Variants in SPATA7 observed in about 807,000 individuals in gnomAD.
SPATA7 encodes the protein spermatogenesis associated 7.
In SPATA7, 43 loss-of-function variants were observed where a neutral mutation model predicts 51.8. The ratio of observed to expected loss-of-function variants is 0.83; its 90% CI spans 0.65 to 1.07. The LOEUF (loss-of-function observed/expected upper bound fraction) is 1.07. Ranked by LOEUF, SPATA7 falls within the 50% of genes least tolerant of loss-of-function variation. The pLI is 0.00. For synonymous variants in SPATA7, 230 were observed against 252.8 expected (o/e 0.91, Z 0.86); for missense variants, 683 against 701.3 (o/e 0.97, Z 0.30).
intron 5 of SPATA7, among the ~76,000 whole-genome samples, chr14:88,418,789 G>T (rs755836230): frequency 3.0e-4 from 46 of 152,120 alleles, no homozygotes; most frequent in African/African-American, 1.1e-3. Flanking sequence ...TTTTCATTAT[G>T]ATTTTTTTAT....
intron 4 of SPATA7, chr14:88,414,776 G>GTT: frequency 7.4e-6 from 2 of 270,640 alleles, no homozygotes; most frequent in South Asian, 3.1e-5. Flanking sequence ...GAGTTTTTTT[G>GTT]TTTTTTTTTA....
chr14:88,396,795 G>C (rs1012949353), intron 4 of SPATA7, among the ~76,000 whole-genome samples: 4 of 151,994 alleles, frequency 2.6e-5, no homozygotes, highest in Non-Finnish European at 4.4e-5. Context: ...TGTATATTTA[G>C]AAGTGGAATT....
chr14:88,429,154 A>G, intron 7 of SPATA7, 194 bp from the exon 8 acceptor site: 1 of 388,414 alleles, frequency 2.6e-6, no homozygotes. Context: ...ACAAGAAATA[A>G]GTCATTTTAT....
intron 10 of SPATA7, among the ~76,000 whole-genome samples, chr14:88,434,675 G>C (rs2077032927): frequency 7.0e-6 from 1 of 142,220 alleles, no homozygotes; most frequent in South Asian, 2.2e-4. Context: ...GACAGAGTGA[G>C]ACTCTGTCTC....
downstream of SPATA7, among the ~76,000 whole-genome samples, chr14:88,458,199 G>T (rs1353775595): frequency 6.6e-6 from 1 of 151,996 alleles, no homozygotes; most frequent in Non-Finnish European, 1.5e-5. Context: ...TTTTTTTGTT[G>T]TGTCTTTGTC....
At chr14:88,452,479 A>G (rs913199615) in intron 3 of SPATA7, among the ~76,000 whole-genome samples, 10 of 152,168 alleles carry the variant, frequency 6.6e-5, no homozygotes, top group Non-Finnish European at 1.3e-4. Context: ...GGGCGGGGCC[A>G]TAGAGCTCCC....
chr14:88,431,192 T>C lies in SPATA7; in HGVS notation c.1049T>C (p.Leu350Pro), dbSNP rs758022550. 5 of 1,613,762 alleles carry C rather than the reference T, an allele frequency of 3.1e-6. No homozygotes were observed. In the South Asian group the frequency reaches 5.5e-5, roughly 18 times the overall value. ...TCTAGGGCAATGTGTCAGTATTCCC[T>C]GAAGCCCCCTTCAACTCGTAAAATC... The part of the protein sequence containing the change: ...SSPRAMCQYS[L>P]KPPSTRKIYS... Residue 350 changes from leucine to proline, a missense_variant, in exon 9 of 12, where the codon CTG (leucine) becomes CCG (proline). Coordinates refer to ENST00000393545, the MANE Select transcript of SPATA7 (RefSeq NM_018418.5).
chr14:88,417,553 A>C (rs2076518632), intron 5 of SPATA7, among the ~76,000 whole-genome samples: 1 of 151,958 alleles, frequency 6.6e-6, no homozygotes, highest in African/African-American at 2.4e-5. Flanking sequence ...TGATCTGCCC[A>C]CCTCGGCCTC....
At chr14:88,449,394 T>C (rs2077235570) in intron 3 of SPATA7, among the ~76,000 whole-genome samples, 1 of 152,194 alleles carries the variant, frequency 6.6e-6, no homozygotes, top group Non-Finnish European at 1.5e-5. Context: ...TGAGGGTTCC[T>C]TTTGCAGTTG....
downstream of SPATA7, among the ~76,000 whole-genome samples, chr14:88,441,249 G>T (rs952137273): frequency 6.6e-6 from 1 of 151,892 alleles, no homozygotes; most frequent in Non-Finnish European, 1.5e-5. Flanking sequence ...CTTGTTGATC[G>T]ATGGGCATAT....
At position 88,413,900 on chromosome 14, in the gene SPATA7, G is replaced by A. The variant is rs115123467; in HGVS notation, c.239-2811G>A. Among the ~76,000 whole-genome samples, 323 of 152,216 alleles carry A rather than the reference G, an allele frequency of 2.1e-3. 4 individuals carry two copies. Among genetic ancestry groups the A allele is most frequent in the African/African-American group, 7.3e-3 (304 of 41,550 alleles). ...ACCAGCCTTTCATTCCAGGAATGAA[G>A]CCTACTTGACTGTGGTTTATTAACT... On this transcript the variant is annotated intron_variant, in intron 4 of 11. Coordinates refer to ENST00000393545, the MANE Select transcript of SPATA7 (RefSeq NM_018418.5).
chr14:88,455,399 A>T, downstream of SPATA7: 1 of 183,114 alleles, frequency 5.5e-6, no homozygotes, highest in East Asian at 1.4e-4. Flanking sequence ...ATTTAATTAC[A>T]TGCCTTTATG....
intron 3 of SPATA7, among the ~76,000 whole-genome samples, chr14:88,445,914 C>T (rs2077208579): frequency 6.6e-6 from 1 of 152,100 alleles, no homozygotes; most frequent in African/African-American, 2.4e-5. Context: ...ATTTTTGTAT[C>T]AATGTTCATC....
downstream of SPATA7, among the ~76,000 whole-genome samples, chr14:88,440,955 G>A (rs2077174167): frequency 6.6e-6 from 1 of 152,068 alleles, no homozygotes; most frequent in Non-Finnish European, 1.5e-5. Context: ...TACCCAATGT[G>A]TAGTCTTTTA....
downstream of SPATA7, among the ~76,000 whole-genome samples, chr14:88,456,547 C>T (rs1465255268): frequency 1.3e-5 from 2 of 152,136 alleles, no homozygotes; most frequent in Admixed American, 6.5e-5. Flanking sequence ...TGTTCATATC[C>T]TTCGCCCACT....
chr14:88,462,678 T>G (rs2077325123), intron 4 of SPATA7, among the ~76,000 whole-genome samples: 1 of 152,224 alleles, frequency 6.6e-6, no homozygotes, highest in Non-Finnish European at 1.5e-5. Flanking sequence ...CTACACCACA[T>G]TGTCGATTCA....
intron 4 of SPATA7, among the ~76,000 whole-genome samples, chr14:88,410,088 TG>T (rs1555373304): frequency 6.6e-6 from 1 of 152,224 alleles, no homozygotes; most frequent in Non-Finnish European, 1.5e-5. Context: ...TGGAGAGTTC[TG>T]TAGATGTCTA....
intron 3 of SPATA7, among the ~76,000 whole-genome samples, chr14:88,451,213 A>G (rs1295058797): frequency 6.6e-6 from 1 of 152,132 alleles, no homozygotes; most frequent in Non-Finnish European, 1.5e-5. Flanking sequence ...CTTGTCGCCC[A>G]GGCTGGACTG....
chr14:88,386,643 G>A (rs1026684872), intron 1 of SPATA7, among the ~76,000 whole-genome samples: 1 of 152,014 alleles, frequency 6.6e-6, no homozygotes, highest in African/African-American at 2.4e-5. Flanking sequence ...CTACAAATCG[G>A]CCCAAACCAA....
Sources: allele counts gnomAD v4.1 joint callset (sites outside exome capture counted in the v4.1 genomes callset), GRCh38; gene constraint gnomAD v4.1.1; transcripts MANE v1.5; gene names NCBI Gene and HGNC (gene_info 2026-07-23, HGNC 2026-07-21).